Variants in KCNB2 observed in about 807,000 individuals in gnomAD.
The protein encoded by KCNB2 is potassium voltage-gated channel subfamily B member 2.
KCNB2 carries 15 observed loss-of-function variants against 61.5 expected under a neutral mutation model. The observed-to-expected ratio is 0.24, with a 90% confidence interval of 0.16 to 0.38. KCNB2 has a LOEUF of 0.38. Among genes scored for constraint, KCNB2 ranks in the 10% least tolerant of loss-of-function variants. The pLI is 1.00. For missense variants in KCNB2, 828 were observed against 1,125.2 expected, an observed-to-expected ratio of 0.74 and a Z score of 3.78; for synonymous variants, 457 against 446.0, an observed-to-expected ratio of 1.02 and a Z score of -0.31.
intron 2 of KCNB2, among the ~76,000 whole-genome samples, chr8:72,788,009 A>G (rs2248201): frequency 0.33 from 50,288 of 151,968 alleles, 8,576 homozygotes; most frequent in African/African-American, 0.4. Flanking sequence ...CTGATTTTCT[A>G]TGTCACTATT....
At chr8:72,630,929 T>C (rs1012667153) in intron 2 of KCNB2, among the ~76,000 whole-genome samples, 1 of 152,188 alleles carries the variant, frequency 6.6e-6, no homozygotes, top group Non-Finnish European at 1.5e-5. Flanking sequence ...GCGCCCCTTA[T>C]CTACAGGGGA....
chr8:72,852,599 A>G (rs1810136351), intron 2 of KCNB2, among the ~76,000 whole-genome samples: 1 of 152,238 alleles, frequency 6.6e-6, no homozygotes, highest in Non-Finnish European at 1.5e-5. Flanking sequence ...GACAGTGGAT[A>G]ATCTACAACT....
At chr8:72,868,394 A>C (rs1472291811) in intron 2 of KCNB2, among the ~76,000 whole-genome samples, 1 of 151,820 alleles carries the variant, frequency 6.6e-6, no homozygotes, top group Non-Finnish European at 1.5e-5. Context: ...CCTGACCAAC[A>C]TGGTGAAACC....
At position 72,725,603 on chromosome 8, in the gene KCNB2, A is replaced by ATATG. The variant is rs1554587090; in HGVS notation, c.579+157293_579+157294insGTAT. On this transcript the variant is annotated intron_variant, in intron 2 of 2. Transcript: ENST00000523207. Reference sequence around the variant, plus strand: ...TATATATATGTATGTATATATATATATATATATATATATATATATGCATTC... The same window carrying ATATG: ...TATATATATGTATGTATATATATATATATGTATATATATATATATATATGCATTC... Among the ~76,000 whole-genome samples the ATATG allele has an allele frequency of 2.0e-3, 220 of 110,734 alleles. 1 individual carries two copies. The highest frequency in any genetic ancestry group is 6.3e-3 in the African/African-American group (140 of 22,108). The allele number at this position is 110,734 out of a possible 152,430, so 72.6% of individuals were successfully genotyped here.
Position 72,574,276 on chromosome 8 carries a change from T to C in KCNB2, c.579+5963T>C, listed in dbSNP as rs547894475. Among the ~76,000 whole-genome samples, 5 of 152,300 alleles carry C rather than the reference T, an allele frequency of 3.3e-5. No individual in the cohort carries two copies. In the South Asian group the frequency reaches 8.3e-4, roughly 25 times the overall value. ...CCTGAAAACTCATCACTCTGTTCAG[T>C]TGGCCATGTTTGATCATGGGAGAGA... is the stretch of plus-strand genomic sequence containing the variant. On this transcript the variant is annotated intron_variant, in intron 2 of 2. Coordinates refer to ENST00000523207, the MANE Select transcript of KCNB2 (RefSeq NM_004770.3).
chr8:72,799,027 G>A (rs1318317898), intron 2 of KCNB2, among the ~76,000 whole-genome samples: 1 of 152,082 alleles, frequency 6.6e-6, no homozygotes, highest in Admixed American at 6.6e-5. Context: ...TATCTCAACG[G>A]GAGTCTCAGA....
intron 2 of KCNB2, among the ~76,000 whole-genome samples, chr8:72,632,861 A>G (rs1297772855): frequency 1.3e-5 from 2 of 152,194 alleles, no homozygotes; most frequent in Non-Finnish European, 2.9e-5. Context: ...CATAACTTCC[A>G]TGTGTAACTT....
chr8:72,601,572 G>A (rs952045975), intron 2 of KCNB2, among the ~76,000 whole-genome samples: 2 of 152,166 alleles, frequency 1.3e-5, no homozygotes, highest in Admixed American at 6.6e-5. Context: ...TTTATGTGAA[G>A]TTTAAATCTT....
chr8:72,609,482 G>A lies in KCNB2; in HGVS notation c.579+41169G>A, dbSNP rs140907916. ...ATTCTTTCTGAATCAAAAAATTAGC[G>A]TAATAGATATCTGCACTAGAGTTTA... is the stretch of plus-strand genomic sequence containing the variant. On this transcript the variant is annotated intron_variant, in intron 2 of 2. Transcript: ENST00000523207. 6.1e-3 allele frequency among the ~76,000 whole-genome samples: 927 copies of A among 152,236 alleles called. 2 individuals carry two copies. The highest frequency in any genetic ancestry group is 0.02 in the African/African-American group (832 of 41,538).
intron 2 of KCNB2, among the ~76,000 whole-genome samples, chr8:72,791,107 G>A (rs967680466): frequency 2.2e-4 from 33 of 152,270 alleles, no homozygotes; most frequent in African/African-American, 7.7e-4. Context: ...TGACTGAAAT[G>A]TTCAGAGTGA....
intron 2 of KCNB2, among the ~76,000 whole-genome samples, chr8:72,918,442 A>G (rs1806442607): frequency 6.6e-6 from 1 of 152,212 alleles, no homozygotes; most frequent in African/African-American, 2.4e-5. Flanking sequence ...TTAATGTCTT[A>G]GAAAATAAGA....
At chr8:72,775,936 G>A (rs928622264) in intron 2 of KCNB2, among the ~76,000 whole-genome samples, 2 of 152,134 alleles carry the variant, frequency 1.3e-5, no homozygotes, top group African/African-American at 4.8e-5. Flanking sequence ...ATGCTGCTAT[G>A]AAGACACATG....
chr8:72,864,234 T>C (rs1805470714), intron 2 of KCNB2, among the ~76,000 whole-genome samples: 1 of 152,176 alleles, frequency 6.6e-6, no homozygotes, highest in South Asian at 2.1e-4. Flanking sequence ...AGTCATTAAA[T>C]GAGTAATAAA....
chr8:72,917,252 A>C (rs547281060), intron 2 of KCNB2, among the ~76,000 whole-genome samples: 2 of 152,352 alleles, frequency 1.3e-5, no homozygotes, highest in Admixed American at 6.5e-5. Flanking sequence ...CATGTACAGC[A>C]AAGAGAAACA....
At chr8:72,561,010 A>T (rs563766848) in intron 1 of KCNB2, among the ~76,000 whole-genome samples, 1 of 152,316 alleles carries the variant, frequency 6.6e-6, no homozygotes, top group Admixed American at 6.5e-5. Context: ...ATATTGAAAG[A>T]TGCTCATATT....
Position 72,579,870 on chromosome 8 carries a change from C to T in KCNB2, c.579+11557C>T, listed in dbSNP as rs558367187. 3.7e-3 allele frequency among the ~76,000 whole-genome samples: 564 copies of T among 152,320 alleles called. 4 individuals carry two copies. Among genetic ancestry groups the T allele is most frequent in the Middle Eastern group, 0.024 (7 of 294 alleles). The stretch of plus-strand genomic sequence containing the variant: ...CTTTTCTAACAATACTGCTTCCTTC[C>T]CAGCCTGGGGGAAAAAAAGGAACTT... On this transcript the variant is annotated intron_variant, in intron 2 of 2. Coordinates refer to ENST00000523207, the MANE Select transcript of KCNB2 (RefSeq NM_004770.3).
At chr8:72,806,666 T>G (rs1045342752) in intron 2 of KCNB2, among the ~76,000 whole-genome samples, 1 of 152,130 alleles carries the variant, frequency 6.6e-6, no homozygotes, top group Admixed American at 6.6e-5. Flanking sequence ...AATAAAATCC[T>G]TAATAGAAAA....
At chr8:72,780,128 C>T (rs578240959) in intron 2 of KCNB2, among the ~76,000 whole-genome samples, 1 of 152,222 alleles carries the variant, frequency 6.6e-6, no homozygotes, top group East Asian at 1.9e-4. Flanking sequence ...ACACTCAGAG[C>T]TAAGAGCCAA....
intron 2 of KCNB2, among the ~76,000 whole-genome samples, chr8:72,857,558 T>TG (rs34406588): frequency 0.85 from 129,315 of 151,484 alleles, 56,126 homozygotes; most frequent in Middle Eastern, 0.97. Context: ...GCCTACGAGA[T>TG]GTTGTTTGCA....
Sources: gnomAD v4.1 joint callset for allele counts (sites outside exome capture counted in the v4.1 genomes callset) on GRCh38, gnomAD v4.1.1 for gene constraint, MANE v1.5 for transcripts, NCBI Gene and HGNC (gene_info 2026-07-23, HGNC 2026-07-21) for gene names.